KLHL4: variants seen among roughly 807,000 people sequenced by gnomAD.
KLHL4 encodes kelch-like protein 4.
KLHL4 carries 17 observed loss-of-function variants against 45.8 expected under a neutral mutation model. The observed-to-expected ratio is 0.37, with a 90% CI of 0.25 to 0.56. The LOEUF is 0.56. Ranked by LOEUF, KLHL4 falls within the 20% of genes least tolerant of loss-of-function variation. KLHL4 has a pLI of 0.79. For synonymous variants in KLHL4, 224 were observed against 189.9 expected (o/e 1.18, Z -1.47); for missense variants, 544 against 544.9 (o/e 1.00, Z 0.02).
At position 87,614,669 on chromosome X, in the gene KLHL4, T is replaced by C. The variant is rs1000183131; in HGVS notation, c.727+99T>C. 5.4e-6 allele frequency: 4 copies of C among 737,558 alleles called. No individual in the cohort carries two copies. In the African/African-American group the frequency reaches 8.5e-5, roughly 16 times the overall value. The allele number at this position is 737,558 out of a possible 1,213,427, so 60.8% of individuals were successfully genotyped here. A position where few individuals can be genotyped will look rare whatever the true frequency, so the allele number is the denominator to read the frequency against. The stretch of plus-strand genomic sequence containing the variant: ...TTATTATTGCTACTAATACTACTAC[T>C]ATTCTTCATAGTAGTAATACTGCTA... On this transcript the variant is annotated intron_variant, in intron 3 of 10. Transcript: ENST00000373119.
At position 87,666,677 on chromosome X, in the gene KLHL4, C is replaced by A; in HGVS notation, c.*143C>A. On this transcript the variant is annotated 3_prime_UTR_variant, in exon 11 of 11. Coordinates refer to ENST00000373119, the MANE Select transcript of KLHL4 (RefSeq NM_019117.5). The stretch of plus-strand genomic sequence containing the variant: ...GTTGTATCATTTTAATTTGTAGTTA[C>A]AATTGCTTTCATTCGTGAAGCCGAA... The A allele has an allele frequency of 1.0e-6, 1 of 989,981 alleles. No homozygotes were observed. Among genetic ancestry groups the A allele is most frequent in the East Asian group, 3.8e-5 (1 of 26,346 alleles). The allele number at this position is 989,981 out of a possible 1,213,427, so 81.6% of individuals were successfully genotyped here.
chrX:87,598,313 T>C (rs1044387608), intron 1 of KLHL4, among the ~76,000 whole-genome samples: 3 of 111,431 alleles, frequency 2.7e-5, no homozygotes, highest in Non-Finnish European at 5.7e-5. Context: ...TACACTCTTT[T>C]AAACAGTATC....
chrX:87,632,095 T>A (rs780845527), intron 6 of KLHL4, 115 bp from the exon 7 acceptor site: 3 of 442,409 alleles, frequency 6.8e-6, no homozygotes, highest in African/African-American at 4.9e-5. Context: ...TTAATTTGAA[T>A]TGTAATCACT....
At chrX:87,533,869 T>C (rs1042185690) in intron 1 of KLHL4, among the ~76,000 whole-genome samples, 8 of 111,003 alleles carry the variant, frequency 7.2e-5, no homozygotes, top group African/African-American at 2.6e-4. Context: ...GAGCTTTCTG[T>C]AGAGCCACAA....
intron 1 of KLHL4, among the ~76,000 whole-genome samples, chrX:87,558,526 G>C (rs1319622501): frequency 1.8e-5 from 2 of 111,482 alleles, no homozygotes; most frequent in African/African-American, 6.5e-5. Flanking sequence ...TACCTCTTAA[G>C]TTGCAGTGAG....
rs184584914 is a variant in KLHL4 at position 87,613,793 on chromosome X, A to G, written c.423-84A>G. ...GTTGGTATGCCTAAATTTCCACTAC[A>G]TGTTTGTACTCTCATTAGAGAAAAA... On this transcript the variant is annotated intron_variant, in intron 1 of 10. Coordinates refer to ENST00000373119, the MANE Select transcript of KLHL4 (RefSeq NM_019117.5). 7.1e-4 allele frequency: 468 copies of G among 661,105 alleles called. 3 individuals are homozygous for G. The African/African-American group carries it at 9.9e-3, about 14-fold the overall frequency. The allele number at this position is 661,105 out of a possible 1,213,427, so 54.5% of individuals were successfully genotyped here. A position where few individuals can be genotyped will look rare whatever the true frequency, so the allele number is the denominator to read the frequency against.
At chrX:87,561,816 G>C (rs1932105189) in intron 1 of KLHL4, among the ~76,000 whole-genome samples, 1 of 109,595 alleles carries the variant, frequency 9.1e-6, no homozygotes, top group South Asian at 4.0e-4. Context: ...TTGAGCTACA[G>C]TAAAATAAAT....
At chrX:87,649,877 G>A (rs1296698592) in intron 9 of KLHL4, among the ~76,000 whole-genome samples, 2 of 111,081 alleles carry the variant, frequency 1.8e-5, no homozygotes, top group African/African-American at 6.5e-5. Context: ...CTTTATGTCT[G>A]TCTTTATGCC....
rs1374376193 is a variant in KLHL4, at chrX:87,664,840, C to T, written c.2002C>T (p.Leu668Phe). The T allele has an allele frequency of 8.3e-7, 1 of 1,200,014 alleles. No homozygotes were observed. The highest frequency in any genetic ancestry group is 1.1e-6 in the Non-Finnish European group (1 of 886,777). The change falls in exon 10 of 11, where the codon CTT becomes TTT. Residue 668 changes from leucine to phenylalanine, a missense_variant. Leu to Phe is a conservative substitution (Grantham distance 22). Transcript: ENST00000373119. ...VPRDAVAVCP[L>F]GDKLYVVGGY... is the part of the protein sequence containing the mutation. The stretch of plus-strand genomic sequence containing the variant: ...TCGAGATGCTGTTGCTGTGTGCCCT[C>T]TTGGAGACAAACTCTACGTGGTTGG...
chrX:87,646,121 G>C (rs1569361230), intron 9 of KLHL4, among the ~76,000 whole-genome samples: 1 of 111,136 alleles, frequency 9.0e-6, no homozygotes, highest in Non-Finnish European at 1.9e-5. Flanking sequence ...ATCAAATCAA[G>C]AACTCAACCC....
rs901072336 is a variant in KLHL4, at chrX:87,547,255, T to C, written c.422+28940T>C. Among the ~76,000 whole-genome samples, 3 of 110,618 alleles carry C rather than the reference T, an allele frequency of 2.7e-5. No homozygotes were observed. The Admixed American group carries it at 2.9e-4, about 11-fold the overall frequency. The stretch of plus-strand genomic sequence containing the variant: ...TATGGGGTGGTTTTTTCCATGCTGT[T>C]CTTGTGACAGTGAGTGAGTTCCCAC... On this transcript the variant is annotated intron_variant, in intron 1 of 10. Coordinates refer to ENST00000373119, the MANE Select transcript of KLHL4 (RefSeq NM_019117.5).
At chrX:87,632,842 C>T (rs1923142111) in intron 7 of KLHL4, among the ~76,000 whole-genome samples, 1 of 111,037 alleles carries the variant, frequency 9.0e-6, no homozygotes, top group Non-Finnish European at 1.9e-5. Flanking sequence ...GTCAGGATAC[C>T]TCGTTCTTTA....
rs1469047224 is a variant in KLHL4 at position 87,622,396 on chromosome X, C to T, written c.1110C>T (p.Tyr370=). Reference sequence around the variant, plus strand: ...GAGAACTGGGGATGCTGCTTTCTTACATCAGACTGCCATTACTCCCACCAC... The same window carrying T: ...GAGAACTGGGGATGCTGCTTTCTTATATCAGACTGCCATTACTCCCACCAC... ...RQGELGMLLS[Y]IRLPLLPPQL... is the part of the protein sequence containing the mutation. Residue 370 remains tyrosine, a synonymous_variant, in exon 5 of 11, where the codon TAC becomes TAT. Transcript: ENST00000373119. The T allele has an allele frequency of 1.7e-6, 2 of 1,200,606 alleles. No individual in the cohort carries two copies. The highest frequency in any genetic ancestry group is 2.3e-6 in the Non-Finnish European group (2 of 888,612).
chrX:87,550,142 T>C (rs1931779478), intron 1 of KLHL4, among the ~76,000 whole-genome samples: 1 of 110,508 alleles, frequency 9.0e-6, no homozygotes, highest in African/African-American at 3.3e-5. Context: ...TGCCAATAAA[T>C]TGGAAAATAA....
chrX:87,666,279 G>C (rs1306922617), intron 10 of KLHL4, among the ~76,000 whole-genome samples, 196 bp from the exon 11 acceptor site: 1 of 111,331 alleles, frequency 9.0e-6, no homozygotes, highest in Non-Finnish European at 1.9e-5. Flanking sequence ...CTCAAACTCA[G>C]GTTTTTACCA....
At chrX:87,567,377 T>C (rs1202940579) in intron 1 of KLHL4, among the ~76,000 whole-genome samples, 1 of 111,860 alleles carries the variant, frequency 8.9e-6, no homozygotes, top group Non-Finnish European at 1.9e-5. Context: ...ATATAAAGTA[T>C]GTAAAACAAT....
At chrX:87,614,386 T>C (rs755215401) in intron 2 of KLHL4, 48 bp from the exon 3 acceptor site, 18 of 1,144,078 alleles carry the variant, frequency 1.6e-5, no homozygotes, top group Non-Finnish European at 2.0e-5. Context: ...TGCTTTTCAG[T>C]GAAATTATTG....
Position 87,550,042 on chromosome X carries a change from CAAAT to C in KLHL4, c.422+31735_422+31738del, listed in dbSNP as rs1182263404. On this transcript the variant is annotated intron_variant, in intron 1 of 10. Transcript: ENST00000373119. ...CAGACTAAGAAAAATAGAGAAGATC[CAAAT>C]AAATAAAATCAAAAATAAAACTAGA... is the stretch of plus-strand genomic sequence containing the variant. Among the ~76,000 whole-genome samples, 6 of 110,693 alleles carry C rather than the reference CAAAT, an allele frequency of 5.4e-5. No individual in the cohort carries two copies. The East Asian group carries it at 1.7e-3, about 31-fold the overall frequency.
intron 9 of KLHL4, among the ~76,000 whole-genome samples, chrX:87,646,385 A>G (rs150083870): frequency 0.038 from 4,198 of 111,497 alleles, 205 homozygotes; most frequent in African/African-American, 0.13. Flanking sequence ...ACAGAATTAG[A>G]AAAAACAATT....
Sources: gnomAD v4.1 joint callset for allele counts (sites outside exome capture counted in the v4.1 genomes callset) on GRCh38, gnomAD v4.1.1 for gene constraint, MANE v1.5 for transcripts, NCBI Gene and HGNC (gene_info 2026-07-23, HGNC 2026-07-21) for gene names.